The following ATG10 variants were observed in gnomAD, a reference collection of about 807,000 sequenced individuals.
ATG10 encodes the protein autophagy related 10.
In ATG10, 30 loss-of-function variants were observed where a neutral mutation model predicts 32.1. The ratio of observed to expected loss-of-function variants is 0.94; its 90% CI spans 0.70 to 1.27. ATG10 has a LOEUF of 1.27. ATG10 is among the 50% of genes most tolerant of loss of function. The probability of loss-of-function intolerance (pLI) is 0.00; values close to 1 mark genes in which losing one functional copy is unlikely to be tolerated. For missense variants in ATG10, 233 were observed against 262.3 expected (o/e 0.89, Z 0.77); for synonymous variants, 87 against 91.5 (o/e 0.95, Z 0.28).
intron 3 of ATG10, among the ~76,000 whole-genome samples, chr5:82,152,893 AACAG>A (rs1459129853): frequency 1.1e-4 from 17 of 152,206 alleles, no homozygotes; most frequent in Non-Finnish European, 2.4e-4. Flanking sequence ...TGAAAATGGC[AACAG>A]ACAATTTATA....
At chr5:82,115,223 T>C (rs1765760888) in intron 3 of ATG10, among the ~76,000 whole-genome samples, 1 of 152,024 alleles carries the variant, frequency 6.6e-6, no homozygotes, top group Non-Finnish European at 1.5e-5. Context: ...TCTTAGAAAA[T>C]TGAAAATGAT....
At chr5:82,022,421 C>A (rs1342417203) in intron 2 of ATG10, among the ~76,000 whole-genome samples, 1 of 150,362 alleles carries the variant, frequency 6.7e-6, no homozygotes, top group Non-Finnish European at 1.5e-5. Context: ...CTCCACCTCC[C>A]AGGTTCAAGC....
rs368374768 is a variant in ATG10, at chr5:81,993,489, T to C, written c.108+5811T>C. ...TGTTGCCCAGGCTGGAGTGCAATGG[T>C]GTGATCTTGGCTCACTGCAACCTGT... On this transcript the variant is annotated intron_variant, in intron 2 of 7. Coordinates refer to ENST00000282185, the MANE Select transcript of ATG10 (RefSeq NM_031482.5). 8.7e-5 allele frequency among the ~76,000 whole-genome samples: 13 copies of C among 149,360 alleles called. No individual in the cohort carries two copies. The South Asian group carries it at 2.8e-3, about 32-fold the overall frequency.
At chr5:82,019,395 A>G (rs1364905592) in intron 2 of ATG10, among the ~76,000 whole-genome samples, 1 of 152,080 alleles carries the variant, frequency 6.6e-6, no homozygotes, top group Non-Finnish European at 1.5e-5. Flanking sequence ...CAGTGTGTTG[A>G]GTGGGACCTT....
At chr5:82,097,728 G>GT (rs1242522552) in intron 3 of ATG10, among the ~76,000 whole-genome samples, 1 of 152,140 alleles carries the variant, frequency 6.6e-6, no homozygotes, top group Non-Finnish European at 1.5e-5. Context: ...CTAGTAGAAT[G>GT]TTTTTAACTA....
intron 3 of ATG10, among the ~76,000 whole-genome samples, chr5:82,100,227 G>A (rs572010557): frequency 4.1e-4 from 62 of 151,916 alleles, no homozygotes; most frequent in African/African-American, 1.1e-3. Flanking sequence ...GGCTGGTCTC[G>A]AACTCGTGAT....
chr5:82,206,190 G>T (rs1186609285), intron 5 of ATG10, among the ~76,000 whole-genome samples: 1 of 152,106 alleles, frequency 6.6e-6, no homozygotes, highest in African/African-American at 2.4e-5. Context: ...GCAACCACAT[G>T]GATGTAAAGT....
At chr5:82,238,106 AT>A (rs1746639535) in intron 5 of ATG10, among the ~76,000 whole-genome samples, 1 of 152,032 alleles carries the variant, frequency 6.6e-6, no homozygotes, top group Non-Finnish European at 1.5e-5. Context: ...GTTTTCCTTT[AT>A]TTTACTGGTG....
chr5:82,047,226 CAAATTGTTTAATA>C (rs1230904805), intron 2 of ATG10, among the ~76,000 whole-genome samples: 2 of 151,988 alleles, frequency 1.3e-5, no homozygotes, highest in Admixed American at 1.3e-4. Context: ...GAGCCAAAAC[CAAATTGTTTAATA>C]AAAAGTATGA....
chr5:81,988,443 A>T (rs1276199820), intron 2 of ATG10, among the ~76,000 whole-genome samples: 4 of 147,070 alleles, frequency 2.7e-5, no homozygotes, highest in East Asian at 2.0e-4. Flanking sequence ...CCAGCCCCAA[A>T]TTTTTTTGTC....
intron 2 of ATG10, among the ~76,000 whole-genome samples, chr5:82,029,638 G>A (rs1762689809): frequency 6.6e-6 from 1 of 152,184 alleles, no homozygotes; most frequent in South Asian, 2.1e-4. Context: ...ATGGGTAGAT[G>A]TTGCAGCATG....
chr5:82,225,559 C>T (rs190497165), intron 5 of ATG10, among the ~76,000 whole-genome samples: 1 of 152,212 alleles, frequency 6.6e-6, no homozygotes, highest in African/African-American at 2.4e-5. Flanking sequence ...CACGAATGGT[C>T]TCAAAATCAA....
intron 3 of ATG10, among the ~76,000 whole-genome samples, chr5:82,131,301 T>C (rs1766509855): frequency 6.6e-6 from 1 of 152,172 alleles, no homozygotes; most frequent in Non-Finnish European, 1.5e-5. Flanking sequence ...GGACAAATCT[T>C]CATTCTGGCA....
At chr5:82,130,497 G>A (rs971289289) in intron 3 of ATG10, among the ~76,000 whole-genome samples, 2 of 152,132 alleles carry the variant, frequency 1.3e-5, no homozygotes, top group African/African-American at 4.8e-5. Flanking sequence ...GGAATCTCCT[G>A]GTCTGTGGGT....
In ATG10 at chr5:81,987,172, G is replaced by A. The variant is rs541398820; in HGVS notation, c.-12-387G>A. Among the ~76,000 whole-genome samples the A allele has an allele frequency of 2.6e-5, 4 of 152,262 alleles. No homozygotes were observed. In the East Asian group the frequency reaches 7.7e-4, roughly 29 times the overall value. ...GGGTATCACTCTGTCGCCCAGGCTG[G>A]AGTAGAGTGGCATGATCCTAGCTAA... is the stretch of plus-strand genomic sequence containing the variant. On this transcript the variant is annotated intron_variant, in intron 1 of 7. Coordinates refer to ENST00000282185, the MANE Select transcript of ATG10 (RefSeq NM_031482.5).
chr5:82,064,860 A>G (rs566464593), intron 3 of ATG10, among the ~76,000 whole-genome samples: 3 of 152,148 alleles, frequency 2.0e-5, no homozygotes, highest in South Asian at 4.1e-4. Context: ...GCACTAAGTG[A>G]TTTGCATATA....
intron 3 of ATG10, among the ~76,000 whole-genome samples, chr5:82,097,430 CA>C: frequency 6.6e-6 from 1 of 152,092 alleles, no homozygotes; most frequent in Non-Finnish European, 1.5e-5. Context: ...TCTTAAATTA[CA>C]ACACAGTATT....
At chr5:82,218,130 G>T (rs145784917) in intron 5 of ATG10, among the ~76,000 whole-genome samples, 180 of 150,444 alleles carry the variant, frequency 1.2e-3, no homozygotes, top group Admixed American at 3.1e-3. Flanking sequence ...TTACATGGTG[G>T]TTTCACAGGT....
intron 2 of ATG10, among the ~76,000 whole-genome samples, chr5:82,004,893 A>G (rs1217174734): frequency 6.6e-6 from 1 of 152,228 alleles, no homozygotes; most frequent in Non-Finnish European, 1.5e-5. Flanking sequence ...AATTCTCAAA[A>G]TGGCACCAAT....
Sources: allele counts gnomAD v4.1 joint callset (sites outside exome capture counted in the v4.1 genomes callset), GRCh38; gene constraint gnomAD v4.1.1; transcripts MANE v1.5; gene names NCBI Gene and HGNC (gene_info 2026-07-23, HGNC 2026-07-21).